Variants in PTPRD observed in about 807,000 individuals in gnomAD.
The protein encoded by PTPRD is protein tyrosine phosphatase receptor type D.
PTPRD carries 34 observed loss-of-function variants against 214.5 expected under a neutral mutation model. The observed-to-expected ratio is 0.16, with a 90% CI of 0.12 to 0.21. PTPRD has a LOEUF of 0.21. Ranked by LOEUF, PTPRD falls within the 10% of genes least tolerant of loss-of-function variation. PTPRD has a pLI of 1.00. For synonymous variants in PTPRD, 1,128 were observed against 845.7 expected, an observed-to-expected ratio of 1.33 and a Z score of -5.79; for missense variants, 2,545 against 2,398.7, an observed-to-expected ratio of 1.06 and a Z score of -1.27.
intron 11 of PTPRD, among the ~76,000 whole-genome samples, chr9:8,941,361 T>C (rs764043905): frequency 8.5e-5 from 13 of 152,122 alleles, no homozygotes; most frequent in Admixed American, 8.5e-4. Context: ...GAAATACACA[T>C]ATACACTATA....
At chr9:9,886,892 C>A (rs2071146460) in intron 5 of PTPRD, among the ~76,000 whole-genome samples, 1 of 152,112 alleles carries the variant, frequency 6.6e-6, no homozygotes, top group African/African-American at 2.4e-5. Context: ...CATAGAAGGT[C>A]TGTCCCAGAT....
intron 10 of PTPRD, among the ~76,000 whole-genome samples, chr9:9,140,870 A>T (rs542959836): frequency 1.3e-5 from 2 of 151,926 alleles, no homozygotes; most frequent in Non-Finnish European, 2.9e-5. Context: ...GAGCCACCGT[A>T]CCCGGCCAAA....
chr9:8,590,641 CAAAT>C (rs1345602536), intron 14 of PTPRD, among the ~76,000 whole-genome samples: 3 of 152,228 alleles, frequency 2.0e-5, no homozygotes, highest in East Asian at 1.9e-4. Context: ...TGTTTTCAAA[CAAAT>C]GAATGACTCA....
chr9:10,431,893 C>A (rs982555304), intron 2 of PTPRD, among the ~76,000 whole-genome samples: 20 of 152,122 alleles, frequency 1.3e-4, no homozygotes, highest in African/African-American at 3.6e-4. Context: ...CCTTAGGGAT[C>A]TAGAGCTAGA....
At chr9:8,417,445 G>C (rs1268574959) in intron 35 of PTPRD, among the ~76,000 whole-genome samples, 1 of 152,068 alleles carries the variant, frequency 6.6e-6, no homozygotes, top group East Asian at 1.9e-4. Flanking sequence ...AGAATGGTGA[G>C]AGACCAATAA....
At chr9:8,555,152 C>T (rs903114777) in intron 14 of PTPRD, among the ~76,000 whole-genome samples, 1 of 152,142 alleles carries the variant, frequency 6.6e-6, no homozygotes, top group African/African-American at 2.4e-5. Context: ...TGTGGTGGCT[C>T]ATGCCTGTAA....
chr9:9,741,161 C>T (rs1227055896), intron 6 of PTPRD, among the ~76,000 whole-genome samples: 33 of 152,100 alleles, frequency 2.2e-4, no homozygotes, highest in South Asian at 2.1e-4. Context: ...AGTTTGAAAA[C>T]GCTATAGCTT....
intron 11 of PTPRD, among the ~76,000 whole-genome samples, chr9:8,885,488 CTTTTTT>C (rs35568734): frequency 3.2e-5 from 3 of 93,312 alleles, no homozygotes; most frequent in Non-Finnish European, 4.1e-5. Context: ...CACACAGCCT[CTTTTTT>C]TTTTTTTTTT....
chr9:10,458,812 G>A (rs796617347), intron 2 of PTPRD, among the ~76,000 whole-genome samples: 1 of 152,106 alleles, frequency 6.6e-6, no homozygotes, highest in South Asian at 2.1e-4. Flanking sequence ...AAACTGTTAG[G>A]TCTAATAAAT....
intron 3 of PTPRD, among the ~76,000 whole-genome samples, chr9:10,253,769 A>C: frequency 6.6e-6 from 1 of 152,168 alleles, no homozygotes; most frequent in Non-Finnish European, 1.5e-5. Flanking sequence ...ATAGAGCTAT[A>C]TGTATATTGC....
At chr9:9,377,743 G>T (rs989979654) in intron 9 of PTPRD, among the ~76,000 whole-genome samples, 1 of 152,068 alleles carries the variant, frequency 6.6e-6, no homozygotes, top group Non-Finnish European at 1.5e-5. Context: ...AAACAAGGTG[G>T]GTGGTGGGGG....
intron 44 of PTPRD, among the ~76,000 whole-genome samples, chr9:8,320,374 C>G (rs1253345080): frequency 6.6e-6 from 1 of 152,054 alleles, no homozygotes; most frequent in African/African-American, 2.4e-5. Context: ...TTGGCATCTT[C>G]AACTTTTCTA....
In PTPRD at chr9:10,360,500, C is replaced by G. The variant is rs570031021; in HGVS notation, c.-599-19483G>C. Among the ~76,000 whole-genome samples, 6 of 152,348 alleles carry G rather than the reference C, an allele frequency of 3.9e-5. No individual in the cohort carries two copies. In the South Asian group the frequency reaches 1.2e-3, roughly 32 times the overall value. ...CCTCTATCATTCTCCTTCTCTTCCA[C>G]TTTGCAAAGGCAAAGTATTGGAAAG... On this transcript the variant is annotated intron_variant, in intron 2 of 45. Coordinates refer to ENST00000381196, the MANE Select transcript of PTPRD (RefSeq NM_002839.4).
chr9:8,856,384 G>A (rs951497265), intron 11 of PTPRD, among the ~76,000 whole-genome samples: 33 of 152,156 alleles, frequency 2.2e-4, no homozygotes, highest in Non-Finnish European at 4.4e-4. Context: ...AGGATGGTTA[G>A]AAAAGAATAC....
Position 8,471,171 on chromosome 9 carries a change from G to C in PTPRD, c.3414-86C>G, listed in dbSNP as rs2096645777. 6 of 1,060,678 alleles carry C rather than the reference G, an allele frequency of 5.7e-6. No homozygotes were observed. The African/African-American group carries it at 6.3e-5, about 11-fold the overall frequency. The allele number at this position is 1,060,678 out of a possible 1,614,324, so 65.7% of individuals were successfully genotyped here. A position where few individuals can be genotyped will look rare whatever the true frequency, so the allele number is the denominator to read the frequency against. ...CCTTAAACCTTCCACAGACCAATGA[G>C]GTTGAAGGCAAATTATGGATATGGG... On this transcript the variant is annotated intron_variant, in intron 30 of 45. Coordinates refer to ENST00000381196, the MANE Select transcript of PTPRD (RefSeq NM_002839.4).
chr9:9,221,012 C>T (rs1003989375), intron 9 of PTPRD, among the ~76,000 whole-genome samples: 21 of 152,034 alleles, frequency 1.4e-4, no homozygotes, highest in African/African-American at 4.8e-4. Context: ...ATGACAACTG[C>T]CTTCAGTTCT....
intron 2 of PTPRD, among the ~76,000 whole-genome samples, chr9:10,377,207 C>T (rs182889484): frequency 4.5e-4 from 68 of 152,082 alleles, no homozygotes; most frequent in African/African-American, 1.6e-3. Flanking sequence ...TCTCCAATTC[C>T]ATCCATGTTG....
At chr9:9,416,801 T>C (rs933396832) in intron 8 of PTPRD, among the ~76,000 whole-genome samples, 2 of 152,224 alleles carry the variant, frequency 1.3e-5, no homozygotes, top group African/African-American at 2.4e-5. Flanking sequence ...ACATGGTGAC[T>C]AGCAGAATAA....
intron 3 of PTPRD, among the ~76,000 whole-genome samples, chr9:10,179,217 G>T (rs1437610712): frequency 2.6e-5 from 4 of 151,762 alleles, no homozygotes; most frequent in African/African-American, 9.7e-5. Flanking sequence ...TGAAGAAAAA[G>T]AACTTTGAGC....
Sources: allele counts gnomAD v4.1 joint callset (sites outside exome capture counted in the v4.1 genomes callset), GRCh38; gene constraint gnomAD v4.1.1; transcripts MANE v1.5; gene names NCBI Gene and HGNC (gene_info 2026-07-23, HGNC 2026-07-21).